The following CTTN variants were observed in gnomAD, a reference collection of about 807,000 sequenced individuals.
CTTN encodes the protein src substrate cortactin.
CTTN carries 28 observed loss-of-function variants against 84.0 expected under a neutral mutation model. The observed-to-expected ratio is 0.33, with a 90% CI of 0.25 to 0.46. CTTN has a LOEUF of 0.46. CTTN is among the 20% of genes least tolerant of loss of function. The probability of loss-of-function intolerance (pLI) is 1.00; values close to 1 mark genes in which losing one functional copy is unlikely to be tolerated. For synonymous variants in CTTN, 301 were observed against 288.8 expected (o/e 1.04, Z -0.43); for missense variants, 641 against 723.8 (o/e 0.89, Z 1.31).
In CTTN at chr11:70,435,788, C is replaced by T. The variant is rs1350058012; in HGVS notation, c.*626C>T. The T allele has an allele frequency of 1.2e-5, 19 of 1,585,380 alleles. No homozygotes were observed. The highest frequency in any genetic ancestry group is 2.1e-4 in the Middle Eastern group (1 of 4,762). ...CCTGGTTTTTTTCCTGTGCCCACTC[C>T]GGCTTGTCCTCATCTCTACCCATCC... On this transcript the variant is annotated 3_prime_UTR_variant, in exon 18 of 18. Transcript: ENST00000301843.
Position 70,431,202 on chromosome 11 carries a change from A to G in CTTN, c.1188A>G (p.Arg396=), listed in dbSNP as rs1287048989. 6.2e-7 allele frequency: 1 copy of G among 1,614,188 alleles called. No homozygotes were observed. Among genetic ancestry groups the G allele is most frequent in the Non-Finnish European group, 8.5e-7 (1 of 1,180,026 alleles). ...EARRKLEEQA[R]AKTQTPPVSP... ...GTTTTCAATCACAGGAGCAAGCCAG[A>G]GCCAAAACGCAAACGCCCCCTGTGT... Residue 396 remains arginine, a synonymous_variant, in exon 15 of 18, where the codon AGA becomes AGG. Transcript: ENST00000301843.
intron 14 of CTTN, 24 bp downstream of exon 14, chr11:70,429,223 A>G (rs1267426485): frequency 3.1e-6 from 5 of 1,601,708 alleles, no homozygotes; most frequent in Non-Finnish European, 4.3e-6. Flanking sequence ...AGTGGGCCGC[A>G]GCGCACCCTC....
At chr11:70,411,427 G>A (rs999996472) in intron 5 of CTTN, among the ~76,000 whole-genome samples, 1 of 151,906 alleles carries the variant, frequency 6.6e-6, no homozygotes, top group Non-Finnish European at 1.5e-5. Flanking sequence ...TGCAGCGAGC[G>A]AAGCGTGTGC....
At chr11:70,428,770 A>G (rs1336555051) in intron 13 of CTTN, among the ~76,000 whole-genome samples, 1 of 152,282 alleles carries the variant, frequency 6.6e-6, no homozygotes, top group Non-Finnish European at 1.5e-5. Context: ...TTATTTAAAA[A>G]GGTGAGTGTG....
chr11:70,420,647 G>GC (rs527869327), intron 10 of CTTN, 137 bp downstream of exon 10: 85 of 692,456 alleles, frequency 1.2e-4, no homozygotes, highest in African/African-American at 1.1e-3. Flanking sequence ...TGTCCTGTGT[G>GC]CCCCCCCAAT....
At chr11:70,429,495 T>G (rs1475552309) in intron 14 of CTTN, among the ~76,000 whole-genome samples, 3 of 152,160 alleles carry the variant, frequency 2.0e-5, no homozygotes, top group East Asian at 3.9e-4. Context: ...CGGCAGAGTC[T>G]TGTCGGCTTC....
At chr11:70,433,795 C>A in intron 17 of CTTN, 77 bp downstream of exon 17, 2 of 924,052 alleles carry the variant, frequency 2.2e-6, no homozygotes, top group Non-Finnish European at 3.6e-6. Flanking sequence ...TGAGAATTCA[C>A]TTCTCTAGCG....
At chr11:70,426,327 C>T (rs938506504) in intron 13 of CTTN, among the ~76,000 whole-genome samples, 7 of 150,742 alleles carry the variant, frequency 4.6e-5, no homozygotes, top group East Asian at 4.0e-4. Context: ...AGGAGAATGG[C>T]GTGAACCCAG....
chr11:70,415,490 GGATGCCA>G (rs1190473568), intron 6 of CTTN, among the ~76,000 whole-genome samples, 166 bp from the exon 7 acceptor site: 1 of 152,208 alleles, frequency 6.6e-6, no homozygotes, highest in Non-Finnish European at 1.5e-5. Flanking sequence ...TGTCCGTTTA[GGATGCCA>G]GAGCTCTTGC....
At chr11:70,414,463 C>A in intron 5 of CTTN, 79 bp from the exon 6 acceptor site, 1 of 1,071,348 alleles carries the variant, frequency 9.3e-7, no homozygotes, top group Non-Finnish European at 1.4e-6. Flanking sequence ...ATGTGGCCTC[C>A]CCCAGCCCTG....
Position 70,435,169 on chromosome 11 carries a change from C to T in CTTN, c.*7C>T, listed in dbSNP as rs770524097. The T allele has an allele frequency of 1.9e-6, 3 of 1,604,006 alleles. No homozygotes were observed. Among genetic ancestry groups the T allele is most frequent in the Non-Finnish European group, 8.5e-7 (1 of 1,175,932 alleles). On this transcript the variant is annotated 3_prime_UTR_variant, in exon 18 of 18. Transcript: ENST00000301843. ...TGTGGAGCTGCGGCAGTAGGGCCCCCAGCCCCCCCCCGGAGCTGCGCCCTG... is the reference window on the plus strand; with the variant it reads ...TGTGGAGCTGCGGCAGTAGGGCCCCTAGCCCCCCCCCGGAGCTGCGCCCTG...
rs545409586 is a variant in CTTN at position 70,425,352 on chromosome 11, T to C, written c.978T>C (p.Asp326=). 4 of 1,612,748 alleles carry C rather than the reference T, an allele frequency of 2.5e-6. No individual in the cohort carries two copies. The African/African-American group carries it at 4.0e-5, about 16-fold the overall frequency. Residue 326 remains aspartate (D), a synonymous_variant, in exon 13 of 18, where the codon GAT becomes GAC. Coordinates refer to ENST00000301843, the MANE Select transcript of CTTN (RefSeq NM_005231.4). The stretch of plus-strand genomic sequence containing the variant: ...TGCAGAATGCGTCAACCTTTGAGGA[T>C]GTCACCCAGGTGTCCTCTGCCTACC... ...RMDKNASTFE[D]VTQVSSAYQK... is the part of the protein sequence containing the mutation.
intron 9 of CTTN, 112 bp from the exon 10 acceptor site, chr11:70,420,274 AAAGATCCGGAAGGG>A: frequency 2.9e-6 from 2 of 695,714 alleles, no homozygotes; most frequent in South Asian, 3.5e-5. Flanking sequence ...AAGTATTACC[AAAGATCCGGAAGGG>A]AAGAGTAGAT....
intron 8 of CTTN, among the ~76,000 whole-genome samples, chr11:70,418,350 C>G (rs1265918505): frequency 6.6e-6 from 1 of 152,264 alleles, no homozygotes; most frequent in South Asian, 2.1e-4. Context: ...TCCTCCTCTT[C>G]CCGACACCAC....
At chr11:70,428,119 C>T (rs368263366) in intron 13 of CTTN, among the ~76,000 whole-genome samples, 2 of 150,418 alleles carry the variant, frequency 1.3e-5, no homozygotes, top group African/African-American at 2.4e-5. Context: ...GCCACAGTCC[C>T]GGACACAGCA....
chr11:70,408,397 T>G (rs1383788150), intron 4 of CTTN: 2 of 152,224 alleles, frequency 1.3e-5, no homozygotes, highest in Admixed American at 6.5e-5. Context: ...ATTTATTTAT[T>G]TATTTATTTA....
intron 13 of CTTN, among the ~76,000 whole-genome samples, chr11:70,425,751 G>A (rs776937342): frequency 6.6e-6 from 1 of 152,170 alleles, no homozygotes; most frequent in Non-Finnish European, 1.5e-5. Flanking sequence ...CCGCTCGGTC[G>A]CAGCTGTGAC....
In CTTN at chr11:70,401,351, C is replaced by A. The variant is rs1465818915; in HGVS notation, c.-98+2737C>A. ...ATTAGCCGGGCGTGGTGGTATATGC[C>A]TGTAGTCCCAGCCACTCAGGAGGCT... On this transcript the variant is annotated intron_variant, in intron 1 of 17. Transcript: ENST00000301843. 3.9e-5 allele frequency among the ~76,000 whole-genome samples: 6 copies of A among 152,060 alleles called. No homozygotes were observed. In the East Asian group the frequency reaches 9.6e-4, roughly 24 times the overall value.
chr11:70,430,766 C>G (rs1487893164), intron 14 of CTTN, among the ~76,000 whole-genome samples: 4 of 152,262 alleles, frequency 2.6e-5, no homozygotes, highest in African/African-American at 9.6e-5. Context: ...AGCATCAACT[C>G]AGACTCCCAA....
Sources: gnomAD v4.1 joint callset for allele counts (sites outside exome capture counted in the v4.1 genomes callset) on GRCh38, gnomAD v4.1.1 for gene constraint, MANE v1.5 for transcripts, NCBI Gene and HGNC (gene_info 2026-07-23, HGNC 2026-07-21) for gene names.